Variants in FBN2 observed in about 807,000 individuals in gnomAD.
FBN2 encodes the protein fibrillin-2.
Under a neutral mutation model 355.6 loss-of-function variants are expected in FBN2, and 105 were observed. The ratio of observed to expected loss-of-function variants is 0.30; its 90% CI spans 0.25 to 0.35. The LOEUF (loss-of-function observed/expected upper bound fraction) is 0.35. FBN2 is among the 10% of genes least tolerant of loss of function. FBN2 has a pLI of 1.00. For missense variants in FBN2, 3,280 were observed against 3,758.7 expected (o/e 0.87, Z 3.33); for synonymous variants, 1,350 against 1,301.2 (o/e 1.04, Z -0.81).
intron 5 of FBN2, among the ~76,000 whole-genome samples, chr5:128,496,934 A>C (rs2127134060): frequency 6.6e-6 from 1 of 152,140 alleles, no homozygotes; most frequent in African/African-American, 2.4e-5. Context: ...ATAAAACTGA[A>C]ACAACTCTAT....
chr5:128,424,980 G>T (rs1482739158), intron 7 of FBN2, among the ~76,000 whole-genome samples: 1 of 151,162 alleles, frequency 6.6e-6, no homozygotes. Context: ...ATAGCTGTTT[G>T]CCAGCAGTAG....
chr5:128,460,855 A>C (rs1754537426), intron 6 of FBN2, among the ~76,000 whole-genome samples: 1 of 152,216 alleles, frequency 6.6e-6, no homozygotes, highest in Non-Finnish European at 1.5e-5. Context: ...ACAAAAATCA[A>C]GATGGATTAA....
rs767317022 is a variant in FBN2, at chr5:128,537,402, C to A, written c.202G>T (p.Ala68Ser). 1.2e-5 allele frequency: 19 copies of A among 1,610,180 alleles called. 1 individual carries two copies. Among genetic ancestry groups the A allele is most frequent in the Non-Finnish European group, 1.6e-5 (19 of 1,179,546 alleles). Residue 68 changes from alanine to serine, a missense_variant, in exon 1 of 65, where the codon GCC (alanine) becomes TCC (serine). By Grantham distance (99) the Ala-to-Ser change is moderately conservative (BLOSUM62 1). Transcript: ENST00000262464. ...CGGCGGACGCGGCTGGCCACTGCGG[C>A]ACCCTCCTCGCGATACTCGGGCGCT... ...FLAPEYREEG[A>S]AVASRVRRRG...
chr5:128,461,510 C>A (rs539734731), intron 6 of FBN2, among the ~76,000 whole-genome samples: 19 of 152,202 alleles, frequency 1.2e-4, no homozygotes, highest in Non-Finnish European at 2.4e-4. Flanking sequence ...GGTGTATACC[C>A]AATGAATTAT....
intron 30 of FBN2, 82 bp from the exon 31 acceptor site, chr5:128,334,926 C>T: frequency 7.7e-7 from 1 of 1,303,890 alleles, no homozygotes. Context: ...TAGCATAATA[C>T]TGAAATACAC....
chr5:128,273,850 C>G lies in FBN2; in HGVS notation c.7830G>C (p.Leu2610=). Residue 2610 remains leucine (L), a synonymous_variant, in exon 61 of 65, where the codon CTG becomes CTC. Coordinates refer to ENST00000262464, the MANE Select transcript of FBN2 (RefSeq NM_001999.4). Reference sequence around the variant, plus strand: ...AGCAAATCAACTAACCTTCACAGTTCAGTCCGGTGGCATCAAGAGAGAACC... The same window carrying G: ...AGCAAATCAACTAACCTTCACAGTTGAGTCCGGTGGCATCAAGAGAGAACC... The part of the protein sequence containing the change: ...QRGFSLDATG[L]NCEDVDECDG... The G allele has an allele frequency of 6.2e-7, 1 of 1,613,870 alleles. No individual in the cohort carries two copies. The highest frequency in any genetic ancestry group is 1.7e-5 in the Admixed American group (1 of 59,992).
intron 15 of FBN2, among the ~76,000 whole-genome samples, chr5:128,371,871 C>A (rs1014039387): frequency 1.3e-5 from 2 of 152,084 alleles, no homozygotes; most frequent in African/African-American, 4.8e-5. Context: ...TTAAAAATTT[C>A]TTCAGGTAAT....
In FBN2 at chr5:128,263,633, T is replaced by C; in HGVS notation, c.7984A>G (p.Asn2662Asp). The C allele has an allele frequency of 1.2e-6, 2 of 1,613,968 alleles. No homozygotes were observed. The highest frequency in any genetic ancestry group is 2.2e-5 in the East Asian group (1 of 44,862). The change falls in exon 63 of 65, where the codon AAT (asparagine) becomes GAT (aspartate). Residue 2662 changes from asparagine (N) to aspartate (D), a missense_variant. Transcript: ENST00000262464. ...TAGCAGGAAGCAGAGCCACAGGCAT[T>C]GGGATTGGAGCATTCATTCTCATCT... is the stretch of plus-strand genomic sequence containing the variant. ...CVDENECSNP[N>D]ACGSASCYNT...
At chr5:128,462,696 G>GA (rs1264226406) in intron 6 of FBN2, among the ~76,000 whole-genome samples, 1 of 151,994 alleles carries the variant, frequency 6.6e-6, no homozygotes, top group African/African-American at 2.4e-5. Context: ...TTGTGTTTGG[G>GA]AAAAAAACTA....
At chr5:128,391,103 C>CA (rs1752498831) in intron 11 of FBN2, among the ~76,000 whole-genome samples, 1 of 152,124 alleles carries the variant, frequency 6.6e-6, no homozygotes, top group Non-Finnish European at 1.5e-5. Context: ...CTTTATGTAA[C>CA]AGAGTACAAA....
intron 23 of FBN2, among the ~76,000 whole-genome samples, chr5:128,347,257 T>A (rs933259908): frequency 6.6e-6 from 1 of 152,182 alleles, no homozygotes; most frequent in Non-Finnish European, 1.5e-5. Flanking sequence ...GAACTATGCA[T>A]GTAAAAAGTT....
At chr5:128,297,975 C>T (rs1376585918) in intron 48 of FBN2, among the ~76,000 whole-genome samples, 23 of 151,036 alleles carry the variant, frequency 1.5e-4, no homozygotes, top group African/African-American at 4.9e-4. Flanking sequence ...CGGCTGGTAC[C>T]GGTTGTTCCT....
At chr5:128,337,962 C>T (rs1561777828) in intron 27 of FBN2, 35 bp downstream of exon 27, 1 of 1,611,804 alleles carries the variant, frequency 6.2e-7, no homozygotes, top group Middle Eastern at 1.7e-4. Flanking sequence ...ACCAGTTGTG[C>T]TGGGCAGGTT....
rs771667575 is a variant in FBN2 at position 128,274,580 on chromosome 5, G to T, written c.7698C>A (p.His2566Gln). 3 of 1,597,414 alleles carry T rather than the reference G, an allele frequency of 1.9e-6. No homozygotes were observed. The highest frequency in any genetic ancestry group is 3.3e-5 in the Admixed American group (2 of 59,986). The change falls in exon 60 of 65, where the codon CAC becomes CAA. Residue 2566 changes from histidine (H) to glutamine (Q), a missense_variant. Coordinates refer to ENST00000262464, the MANE Select transcript of FBN2 (RefSeq NM_001999.4). ...CKCPPGFTQHHTACIDNNECG... is the reference protein window; with the variant it reads ...CKCPPGFTQHQTACIDNNECG... Reference sequence around the variant, plus strand: ...ACTTTGTCTTACCGATACAAGCAGTGTGATGCTGTGTGAAACCAGGTGGAC... The same window carrying T: ...ACTTTGTCTTACCGATACAAGCAGTTTGATGCTGTGTGAAACCAGGTGGAC...
chr5:128,344,632 C>T (rs1751119812), intron 24 of FBN2, 122 bp from the exon 25 acceptor site: 3 of 856,124 alleles, frequency 3.5e-6, no homozygotes, highest in African/African-American at 3.3e-5. Flanking sequence ...AACAGGGCTA[C>T]TAAATGTTTC....
intron 4 of FBN2, among the ~76,000 whole-genome samples, chr5:128,523,827 T>C (rs991791762): frequency 4.6e-5 from 7 of 152,048 alleles, no homozygotes; most frequent in Non-Finnish European, 7.4e-5. Context: ...ACCTCCAAAA[T>C]ACAAGCTCAA....
In FBN2 at chr5:128,468,012, A is replaced by T. The variant is rs189556274; in HGVS notation, c.629-3091T>A. Among the ~76,000 whole-genome samples, 60 of 152,280 alleles carry T rather than the reference A, an allele frequency of 3.9e-4. 3 individuals are homozygous for T. In the East Asian group the frequency reaches 9.6e-3, roughly 24 times the overall value. On this transcript the variant is annotated intron_variant, in intron 5 of 64. Coordinates refer to ENST00000262464, the MANE Select transcript of FBN2 (RefSeq NM_001999.4). The stretch of plus-strand genomic sequence containing the variant: ...TCGCCTGTTTTAAGTGTAAAATTCA[A>T]TGGTTTTTAGTAAATTTATTGAATT...
chr5:128,486,852 A>T (rs13354986), intron 5 of FBN2, among the ~76,000 whole-genome samples: 75,469 of 151,822 alleles, frequency 0.5, 21,997 homozygotes, highest in African/African-American at 0.82. Flanking sequence ...CACCTATGAG[A>T]GAGAACTGCA....
At chr5:128,384,111 A>G (rs1752307354) in intron 11 of FBN2, among the ~76,000 whole-genome samples, 1 of 152,130 alleles carries the variant, frequency 6.6e-6, no homozygotes, top group South Asian at 2.1e-4. Flanking sequence ...CAACAAAAAG[A>G]AATAAATGAT....
Sources: allele counts gnomAD v4.1 joint callset (sites outside exome capture counted in the v4.1 genomes callset), GRCh38; gene constraint gnomAD v4.1.1; transcripts MANE v1.5; gene names NCBI Gene and HGNC (gene_info 2026-07-23, HGNC 2026-07-21).